Variants in FAM219A observed in about 807,000 individuals in gnomAD.
FAM219A encodes protein FAM219A.
A neutral mutation model predicts 23.4 loss-of-function variants in FAM219A; 7 were observed. That is an observed-to-expected ratio of 0.30 (90% CI 0.17 to 0.56). FAM219A has a LOEUF of 0.56. FAM219A is among the 20% of genes least tolerant of loss of function. FAM219A has a pLI of 0.92. For synonymous variants in FAM219A, 93 were observed against 99.0 expected, an observed-to-expected ratio of 0.94 and a Z score of 0.36; for missense variants, 166 against 246.9, an observed-to-expected ratio of 0.67 and a Z score of 2.20.
At chr9:34,447,889 T>A (rs1588074148) in intron 1 of FAM219A, among the ~76,000 whole-genome samples, 2 of 151,206 alleles carry the variant, frequency 1.3e-5, no homozygotes, top group Admixed American at 6.6e-5. Context: ...TTTTTTTTTT[T>A]AAGACAGGGT....
intron 1 of FAM219A, among the ~76,000 whole-genome samples, chr9:34,420,755 T>C (rs1174588963): frequency 2.0e-5 from 3 of 151,796 alleles, no homozygotes; most frequent in African/African-American, 7.3e-5. Context: ...GGTGGGAGGA[T>C]TGCTTGAGCC....
intron 1 of FAM219A, among the ~76,000 whole-genome samples, chr9:34,444,313 C>T (rs1385371394): frequency 6.6e-6 from 1 of 152,174 alleles, no homozygotes; most frequent in Non-Finnish European, 1.5e-5. Flanking sequence ...AAACCTATGC[C>T]TGATACACCA....
chr9:34,401,617 C>T (rs1363235672), intron 5 of FAM219A, 49 bp downstream of exon 5: 1 of 1,586,114 alleles, frequency 6.3e-7, no homozygotes, highest in Admixed American at 1.8e-5. Context: ...CCCGGGATGG[C>T]AGTGATCCTG....
intron 1 of FAM219A, among the ~76,000 whole-genome samples, chr9:34,433,995 G>C (rs1043163171): frequency 6.6e-6 from 1 of 151,990 alleles, no homozygotes; most frequent in African/African-American, 2.4e-5. Flanking sequence ...AAGGTCAGGA[G>C]ATCAAGACCA....
At chr9:34,412,797 A>G (rs769375710) in intron 1 of FAM219A, among the ~76,000 whole-genome samples, 3 of 152,190 alleles carry the variant, frequency 2.0e-5, no homozygotes, top group Non-Finnish European at 2.9e-5. Context: ...ATTTAGAAAT[A>G]AGAAAGTCAT....
intron 1 of FAM219A, among the ~76,000 whole-genome samples, chr9:34,435,079 C>A (rs1822853483): frequency 6.6e-6 from 1 of 152,170 alleles, no homozygotes; most frequent in Non-Finnish European, 1.5e-5. Flanking sequence ...CCTCAGCCTC[C>A]CAAAGTACTG....
intron 1 of FAM219A, among the ~76,000 whole-genome samples, chr9:34,423,530 AG>A (rs1328177055): frequency 6.6e-6 from 1 of 152,234 alleles, no homozygotes; most frequent in African/African-American, 2.4e-5. Context: ...CTAGAATGAC[AG>A]GAAGACTTAA....
intron 1 of FAM219A, among the ~76,000 whole-genome samples, chr9:34,436,633 T>C (rs918252534): frequency 6.6e-6 from 1 of 152,206 alleles, no homozygotes; most frequent in African/African-American, 2.4e-5. Flanking sequence ...AGGGGGTCAA[T>C]GGGAAATGTA....
At chr9:34,401,372 C>G (rs532410873) in intron 5 of FAM219A, among the ~76,000 whole-genome samples, 1 of 152,204 alleles carries the variant, frequency 6.6e-6, no homozygotes, top group African/African-American at 2.4e-5. Flanking sequence ...TGCTCCTATT[C>G]GGGTTTTGCC....
intron 1 of FAM219A, among the ~76,000 whole-genome samples, chr9:34,440,814 G>A (rs1033610108): frequency 6.7e-6 from 1 of 149,916 alleles, no homozygotes; most frequent in Admixed American, 6.7e-5. Flanking sequence ...TCGCGCCACT[G>A]CCCTCCAGCC....
rs1427856702 is a variant in FAM219A at position 34,417,498 on chromosome 9, C to G, written c.61-11534G>C. 6.6e-6 allele frequency among the ~76,000 whole-genome samples: 1 copy of G among 152,168 alleles called. No individual in the cohort carries two copies. The highest frequency in any genetic ancestry group is 1.5e-5 in the Non-Finnish European group (1 of 68,024). On this transcript the variant is annotated intron_variant, in intron 1 of 5. Coordinates refer to ENST00000651358, the MANE Select transcript of FAM219A (RefSeq NM_001184940.2). The surrounding 1 kb of genome is among the most constrained non-coding windows in gnomAD (Gnocchi z 4.1). ...TTTCACTATTATAGATAATGCTACA[C>G]TGAAATCCACATATATTTACATTTA...
intron 1 of FAM219A, among the ~76,000 whole-genome samples, chr9:34,431,986 C>G (rs1042122266): frequency 1.1e-4 from 16 of 152,164 alleles, no homozygotes; most frequent in African/African-American, 3.6e-4. Flanking sequence ...ATTTATTTAT[C>G]TGTGTGATCT....
intron 1 of FAM219A, among the ~76,000 whole-genome samples, chr9:34,419,656 A>G (rs531652445): frequency 1.3e-5 from 2 of 152,288 alleles, no homozygotes; most frequent in Admixed American, 6.5e-5. Context: ...TCTGGGCCAG[A>G]TTGACGTGTG....
intron 1 of FAM219A, chr9:34,406,362 G>A (rs1375996224): frequency 2.0e-6 from 2 of 985,404 alleles, no homozygotes; most frequent in African/African-American, 3.5e-5. Context: ...GTGAGTTTAA[G>A]TCTGGGTTAA....
intron 1 of FAM219A, among the ~76,000 whole-genome samples, chr9:34,444,507 C>T (rs1823301017): frequency 6.6e-6 from 1 of 152,234 alleles, no homozygotes. Flanking sequence ...ATAGCTTCTC[C>T]AGCCCCCACA....
intron 1 of FAM219A, among the ~76,000 whole-genome samples, chr9:34,452,314 A>G (rs1406943814): frequency 6.6e-6 from 1 of 152,194 alleles, no homozygotes; most frequent in Non-Finnish European, 1.5e-5. Context: ...GCAGTAGAGC[A>G]AAGGAAAACA....
intron 5 of FAM219A, 106 bp downstream of exon 5, chr9:34,401,560 G>T: frequency 7.5e-7 from 1 of 1,339,570 alleles, no homozygotes; most frequent in Non-Finnish European, 1.0e-6. Flanking sequence ...ACCCAGCCTT[G>T]CCCAGCCCTC....
At chr9:34,436,711 C>T (rs909717156) in intron 1 of FAM219A, among the ~76,000 whole-genome samples, 5 of 152,226 alleles carry the variant, frequency 3.3e-5, no homozygotes, top group African/African-American at 1.2e-4. Flanking sequence ...TATACTCTCA[C>T]CAACTGGCTG....
intron 1 of FAM219A, among the ~76,000 whole-genome samples, chr9:34,455,430 T>C (rs150124815): frequency 6.6e-6 from 1 of 152,144 alleles, no homozygotes; most frequent in East Asian, 1.9e-4. Context: ...CTTTGCCCTC[T>C]TTTTTGCCCT....
Sources: gnomAD v4.1 joint callset for allele counts (sites outside exome capture counted in the v4.1 genomes callset) on GRCh38, gnomAD v4.1.1 for gene constraint, Gnocchi (gnomAD v3.1) non-coding constraint, MANE v1.5 for transcripts, NCBI Gene and HGNC (gene_info 2026-07-23, HGNC 2026-07-21) for gene names.